SGMS2: variants seen among roughly 807,000 people sequenced by gnomAD.
SGMS2 encodes the protein sphingomyelin synthase 2.
Under a neutral mutation model 43.8 loss-of-function variants are expected in SGMS2, and 21 were observed. The observed-to-expected ratio is 0.48, with a 90% CI of 0.34 to 0.69. The LOEUF (loss-of-function observed/expected upper bound fraction) is 0.69, where lower values mean the gene tolerates loss of function less well. SGMS2 is among the 30% of genes least tolerant of loss of function. The pLI is 0.01. For synonymous variants in SGMS2, 167 were observed against 160.6 expected, an observed-to-expected ratio of 1.04 and a Z score of -0.30; for missense variants, 384 against 443.2, an observed-to-expected ratio of 0.87 and a Z score of 1.20.
intron 1 of SGMS2, among the ~76,000 whole-genome samples, chr4:107,841,404 G>A (rs1354181048): frequency 3.3e-5 from 5 of 151,492 alleles, no homozygotes. Flanking sequence ...AAATTTTAAT[G>A]CCTTTGGAAG....
At chr4:107,886,884 A>C (rs1729793125) in intron 2 of SGMS2, 1 of 152,350 alleles carries the variant, frequency 6.6e-6, no homozygotes, top group East Asian at 1.9e-4. Context: ...TATTGCTGTA[A>C]GTTAAGAATA....
chr4:107,906,543 A>G (rs951527230), intron 5 of SGMS2, among the ~76,000 whole-genome samples: 1 of 152,194 alleles, frequency 6.6e-6, no homozygotes, highest in Non-Finnish European at 1.5e-5. Context: ...GATGTTAGCT[A>G]TTATTTGTGT....
At chr4:107,882,608 C>T (rs1437738396) in intron 2 of SGMS2, among the ~76,000 whole-genome samples, 1 of 152,122 alleles carries the variant, frequency 6.6e-6, no homozygotes, top group East Asian at 1.9e-4. Context: ...AACAATATTT[C>T]TTAGGGTTGT....
At chr4:107,834,071 A>T (rs1243273841) in intron 1 of SGMS2, among the ~76,000 whole-genome samples, 2 of 152,198 alleles carry the variant, frequency 1.3e-5, no homozygotes, top group African/African-American at 4.8e-5. Context: ...CCAGAACTGT[A>T]GGAGAAAAAA....
chr4:107,853,260 TA>T (rs35800831), intron 1 of SGMS2, among the ~76,000 whole-genome samples: 3 of 151,326 alleles, frequency 2.0e-5, no homozygotes, highest in South Asian at 2.1e-4. Flanking sequence ...TTTCTGGGCT[TA>T]AAAAAAAAGT....
chr4:107,852,267 C>T (rs1036831809), intron 1 of SGMS2, among the ~76,000 whole-genome samples: 3 of 151,188 alleles, frequency 2.0e-5, no homozygotes, highest in Non-Finnish European at 2.9e-5. Context: ...TTAGTAGAGA[C>T]GGGGTTTCAC....
intron 6 of SGMS2, 141 bp from the exon 7 acceptor site, chr4:107,910,209 G>T (rs1448712076): frequency 4.2e-6 from 3 of 714,008 alleles, no homozygotes; most frequent in Non-Finnish European, 2.3e-6. Flanking sequence ...TAGAGTTAGG[G>T]AAAGGACATG....
intron 6 of SGMS2, among the ~76,000 whole-genome samples, chr4:107,909,257 C>A (rs2126164266): frequency 6.6e-6 from 1 of 152,108 alleles, no homozygotes; most frequent in South Asian, 2.1e-4. Flanking sequence ...AGGTGCACGA[C>A]ACCACGCCTG....
chr4:107,852,194 G>T (rs907261146), intron 1 of SGMS2, among the ~76,000 whole-genome samples: 1 of 151,062 alleles, frequency 6.6e-6, no homozygotes, highest in Non-Finnish European at 1.5e-5. Context: ...TCAGCCTCCC[G>T]AGTAGCTGGG....
At chr4:107,828,318 TC>T (rs1320544898) in intron 1 of SGMS2, among the ~76,000 whole-genome samples, 1 of 152,150 alleles carries the variant, frequency 6.6e-6, no homozygotes. Context: ...TAATCCCCAC[TC>T]CAACCCGGTG....
chr4:107,841,435 T>C (rs1489552049), intron 1 of SGMS2, among the ~76,000 whole-genome samples: 4 of 152,030 alleles, frequency 2.6e-5, no homozygotes, highest in South Asian at 2.1e-4. Context: ...TTTTTTTTTT[T>C]CAATATGCTT....
intron 2 of SGMS2, among the ~76,000 whole-genome samples, chr4:107,875,053 G>A (rs989252510): frequency 6.6e-6 from 1 of 152,270 alleles, no homozygotes; most frequent in Admixed American, 6.5e-5. Context: ...AGAACCTACA[G>A]CCTATTACAA....
intron 2 of SGMS2, among the ~76,000 whole-genome samples, chr4:107,869,325 AT>A (rs1728378197): frequency 6.6e-6 from 1 of 152,118 alleles, no homozygotes; most frequent in Non-Finnish European, 1.5e-5. Flanking sequence ...AGTCGATGGG[AT>A]TGGGAAGAAG....
In SGMS2 at chr4:107,903,358, G is replaced by A. The variant is rs762459571; in HGVS notation, c.699G>A (p.Leu233=). ...DFLFSGHTVT[L]TLTYLFIKEY... ...TCTTCAGCGGTCACACGGTTACGCT[G>A]ACACTGACTTATTTGTTCATCAAAG... Residue 233 remains leucine, a synonymous_variant, in exon 5 of 7, where the codon CTG becomes CTA. Coordinates refer to ENST00000690982, the MANE Select transcript of SGMS2 (RefSeq NM_001375905.1). The A allele has an allele frequency of 6.2e-7, 1 of 1,613,958 alleles. No homozygotes were observed. Among genetic ancestry groups the A allele is most frequent in the Non-Finnish European group, 8.5e-7 (1 of 1,179,908 alleles).
At chr4:107,871,206 CAGAG>C (rs565871037) in intron 2 of SGMS2, among the ~76,000 whole-genome samples, 4 of 151,942 alleles carry the variant, frequency 2.6e-5, no homozygotes, top group Admixed American at 6.6e-5. Context: ...AGGCTATTAA[CAGAG>C]AGAGAGAGAC....
chr4:107,901,736 G>A (rs1731123479), intron 4 of SGMS2, among the ~76,000 whole-genome samples: 1 of 152,052 alleles, frequency 6.6e-6, no homozygotes, highest in South Asian at 2.1e-4. Context: ...ATAAGTGTTG[G>A]CCCCATTATT....
chr4:107,906,217 T>G (rs1279390706), intron 5 of SGMS2, among the ~76,000 whole-genome samples: 1 of 152,208 alleles, frequency 6.6e-6, no homozygotes, highest in East Asian at 1.9e-4. Context: ...CTTTCCCGCC[T>G]TTTGATCAGT....
intron 5 of SGMS2, among the ~76,000 whole-genome samples, chr4:107,906,977 C>T (rs552362205): frequency 2.6e-5 from 4 of 152,030 alleles, no homozygotes; most frequent in Admixed American, 6.6e-5. Flanking sequence ...TGCTGGGAAA[C>T]GCATATTTAG....
At chr4:107,825,620 C>CTTTTTT (rs201101875) in intron 1 of SGMS2, among the ~76,000 whole-genome samples, 10 of 116,266 alleles carry the variant, frequency 8.6e-5, no homozygotes, top group African/African-American at 1.8e-4. Flanking sequence ...TTTTCTTTCT[C>CTTTTTT]TTTTTTTTTT....
Sources: gnomAD v4.1 joint callset for allele counts (sites outside exome capture counted in the v4.1 genomes callset) on GRCh38, gnomAD v4.1.1 for gene constraint, MANE v1.5 for transcripts, NCBI Gene and HGNC (gene_info 2026-07-23, HGNC 2026-07-21) for gene names.